The following SEMA5A variants were observed in gnomAD, a reference collection of about 807,000 sequenced individuals.
SEMA5A encodes the protein semaphorin-5A.
A neutral mutation model predicts 135.5 loss-of-function variants in SEMA5A; 55 were observed. That is an observed-to-expected ratio of 0.41 (90% confidence interval 0.33 to 0.51). The LOEUF (loss-of-function observed/expected upper bound fraction) is 0.51. Among genes scored for constraint, SEMA5A ranks in the 20% least tolerant of loss-of-function variants. SEMA5A has a pLI of 0.37. For synonymous variants in SEMA5A, 580 were observed against 546.5 expected (o/e 1.06, Z -0.85); for missense variants, 1,290 against 1,419.9 (o/e 0.91, Z 1.47).
chr5:9,116,552 C>G (rs1266387996), intron 15 of SEMA5A, among the ~76,000 whole-genome samples: 1 of 152,060 alleles, frequency 6.6e-6, no homozygotes, highest in East Asian at 1.9e-4. Context: ...AACAAAGCTC[C>G]CATTGAATAA....
intron 1 of SEMA5A, among the ~76,000 whole-genome samples, chr5:9,475,442 AGG>A (rs1759635215): frequency 6.6e-6 from 1 of 152,226 alleles, no homozygotes; most frequent in African/African-American, 2.4e-5. Context: ...CAAGTAGTGG[AGG>A]CTCTGTGAAT....
chr5:9,227,794 C>T (rs1747400013), intron 6 of SEMA5A, among the ~76,000 whole-genome samples: 1 of 152,220 alleles, frequency 6.6e-6, no homozygotes, highest in African/African-American at 2.4e-5. Context: ...TCGTGATCTA[C>T]CTGCCTCGGC....
intron 3 of SEMA5A, among the ~76,000 whole-genome samples, chr5:9,346,145 C>T (rs1753856552): frequency 6.6e-6 from 1 of 152,144 alleles, no homozygotes; most frequent in South Asian, 2.1e-4. Flanking sequence ...AGAGGAGAAG[C>T]TGCTGGACAT....
chr5:9,411,573 G>A (rs1757108720), intron 2 of SEMA5A, among the ~76,000 whole-genome samples: 3 of 152,190 alleles, frequency 2.0e-5, no homozygotes, highest in African/African-American at 7.2e-5. Flanking sequence ...ACTGCCAGAA[G>A]GATGGCTCGT....
At chr5:9,251,732 C>G (rs953006307) in intron 5 of SEMA5A, among the ~76,000 whole-genome samples, 1 of 152,130 alleles carries the variant, frequency 6.6e-6, no homozygotes, top group Non-Finnish European at 1.5e-5. Flanking sequence ...GTACAACAGC[C>G]TAAAAGAGCT....
At chr5:9,505,350 T>G (rs953846638) in intron 1 of SEMA5A, among the ~76,000 whole-genome samples, 1 of 152,164 alleles carries the variant, frequency 6.6e-6, no homozygotes, top group East Asian at 1.9e-4. Flanking sequence ...TATAATTTTT[T>G]AAAAATTAAA....
chr5:9,264,050 CT>C (rs1308203525), intron 5 of SEMA5A, among the ~76,000 whole-genome samples: 1 of 152,120 alleles, frequency 6.6e-6, no homozygotes, highest in Non-Finnish European at 1.5e-5. Flanking sequence ...TGCCTACCTT[CT>C]TTTTAGGAAA....
intron 3 of SEMA5A, among the ~76,000 whole-genome samples, chr5:9,379,457 G>C (rs532586540): frequency 4.4e-4 from 67 of 152,302 alleles, no homozygotes; most frequent in African/African-American, 1.6e-3. Flanking sequence ...GCTTTGCAGG[G>C]AAATGCCATA....
chr5:9,506,464 G>A (rs1036182131), intron 1 of SEMA5A, among the ~76,000 whole-genome samples: 9 of 152,172 alleles, frequency 5.9e-5, no homozygotes, highest in African/African-American at 9.7e-5. Flanking sequence ...ACAAGGTTCA[G>A]TGCTTAGAGA....
chr5:9,542,080 C>A (rs1367854876), intron 1 of SEMA5A, among the ~76,000 whole-genome samples: 1 of 151,888 alleles, frequency 6.6e-6, no homozygotes, highest in Non-Finnish European at 1.5e-5. Context: ...TTCTTTTCTC[C>A]CTATCAGAAA....
chr5:9,445,883 A>C (rs1758415535), intron 1 of SEMA5A, among the ~76,000 whole-genome samples: 1 of 152,226 alleles, frequency 6.6e-6, no homozygotes, highest in Non-Finnish European at 1.5e-5. Flanking sequence ...CCTGTACAGA[A>C]GAGCAGGCAC....
chr5:9,170,955 T>C (rs1330475954), intron 11 of SEMA5A, among the ~76,000 whole-genome samples: 2 of 152,040 alleles, frequency 1.3e-5, no homozygotes, highest in Non-Finnish European at 2.9e-5. Flanking sequence ...CCCCCAGACC[T>C]ACATATTGGT....
intron 5 of SEMA5A, among the ~76,000 whole-genome samples, chr5:9,279,267 G>A (rs1292030703): frequency 6.6e-6 from 1 of 152,186 alleles, no homozygotes; most frequent in Non-Finnish European, 1.5e-5. Context: ...CTGGGTTTTG[G>A]ACTTGCATGG....
In SEMA5A at chr5:9,185,324, A is replaced by G. The variant is rs1170395062; in HGVS notation, c.1273+4943T>C. 2.6e-5 allele frequency among the ~76,000 whole-genome samples: 4 copies of G among 152,222 alleles called. 1 individual carries two copies. The highest frequency in any genetic ancestry group is 4.1e-4 in the South Asian group (2 of 4,832). ...AAACAGAGGTGATAAACATGGCACA[A>G]TCTCACATGAGTTCAGCAGCTAGAA... On this transcript the variant is annotated intron_variant, in intron 11 of 22. Coordinates refer to ENST00000382496, the MANE Select transcript of SEMA5A (RefSeq NM_003966.3).
intron 20 of SEMA5A, among the ~76,000 whole-genome samples, 153 bp from the exon 21 acceptor site, chr5:9,050,610 C>A (rs1294399323): frequency 6.6e-6 from 1 of 152,174 alleles, no homozygotes; most frequent in Non-Finnish European, 1.5e-5. Flanking sequence ...CTACTTGTTT[C>A]TTTGCTTGTT....
chr5:9,279,080 C>T (rs997048557), intron 5 of SEMA5A, among the ~76,000 whole-genome samples: 1 of 152,284 alleles, frequency 6.6e-6, no homozygotes, highest in Middle Eastern at 3.4e-3. Context: ...TCTGGAAAAC[C>T]CACAGGAACT....
intron 16 of SEMA5A, among the ~76,000 whole-genome samples, chr5:9,093,697 AAAAACAAAAAAAC>A (rs1315318143): frequency 1.3e-5 from 2 of 151,726 alleles, no homozygotes; most frequent in Non-Finnish European, 2.9e-5. Flanking sequence ...TGTCTCAAAA[AAAAACAAAAAAAC>A]AAAACAAAAA....
At chr5:9,497,330 C>T (rs1264409161) in intron 1 of SEMA5A, among the ~76,000 whole-genome samples, 1 of 152,098 alleles carries the variant, frequency 6.6e-6, no homozygotes, top group African/African-American at 2.4e-5. Context: ...TTAAAAAAGC[C>T]CTGACATTTT....
At chr5:9,432,447 G>C (rs1757890269) in intron 2 of SEMA5A, among the ~76,000 whole-genome samples, 2 of 152,112 alleles carry the variant, frequency 1.3e-5, no homozygotes, top group Admixed American at 1.3e-4. Flanking sequence ...AACTCAGCAA[G>C]CACTTTTTTT....
Sources: gnomAD v4.1 joint callset for allele counts (sites outside exome capture counted in the v4.1 genomes callset) on GRCh38, gnomAD v4.1.1 for gene constraint, MANE v1.5 for transcripts, NCBI Gene and HGNC (gene_info 2026-07-23, HGNC 2026-07-21) for gene names.